The following IFT46 variants were observed in gnomAD, a reference collection of about 807,000 sequenced individuals.
The protein encoded by IFT46 is intraflagellar transport 46.
A neutral mutation model predicts 39.6 loss-of-function variants in IFT46; 19 were observed. The ratio of observed to expected loss-of-function variants is 0.48; its 90% confidence interval spans 0.33 to 0.70. The LOEUF is 0.70. Ranked by LOEUF, IFT46 falls within the 30% of genes least tolerant of loss-of-function variation. The probability of loss-of-function intolerance (pLI) is 0.01; values close to 1 mark genes in which losing one functional copy is unlikely to be tolerated. For synonymous variants in IFT46, 117 were observed against 134.8 expected (o/e 0.87, Z 0.91); for missense variants, 334 against 364.8 (o/e 0.92, Z 0.69).
chr11:118,557,692 C>T (rs534519425), intron 3 of IFT46: 3 of 1,607,282 alleles, frequency 1.9e-6, no homozygotes, highest in Non-Finnish European at 2.6e-6. Flanking sequence ...ACTACACATT[C>T]TCTCTCAAGA....
At chr11:118,557,675 T>C (rs1937885845) in intron 3 of IFT46, 4 of 1,587,044 alleles carry the variant, frequency 2.5e-6, no homozygotes, top group Non-Finnish European at 3.5e-6. Context: ...ATAAATTACA[T>C]AAAATGACTA....
At chr11:118,570,581 G>C (rs868957329), upstream of IFT46, among the ~76,000 whole-genome samples, 11 of 152,176 alleles carry the variant, frequency 7.2e-5, no homozygotes, top group Admixed American at 2.0e-4. Flanking sequence ...CTGTTCGGTT[G>C]AGCTAAGGAT....
rs782223012 is a variant in IFT46, at chr11:118,554,581, G to A, written c.361C>T (p.Arg121Cys). Residue 121 changes from arginine (R) to cysteine (C), a missense_variant, in exon 7 of 12, where the codon CGT becomes TGT. Transcript: ENST00000264021. ...AGGTTGTCAGGCTTTCCATCAGGAC[G>A]TGGGACCTGGTTAAGAAAAAGGTAA... ...GDIDAFLKVP[R>C]PDGKPDNLGL... 21 of 1,592,044 alleles carry A rather than the reference G, an allele frequency of 1.3e-5. 1 individual carries two copies. The highest frequency in any genetic ancestry group is 1.7e-4 in the Middle Eastern group (1 of 5,958).
chr11:118,544,861 C>T lies in IFT46; in HGVS notation c.*55G>A, dbSNP rs1345535178. ...AAGTAGCTGACAACGATCTGTCCAT[C>T]TCAGCTGGGGCAGAGGGGCCAGCTC... On this transcript the variant is annotated 3_prime_UTR_variant, in exon 12 of 12. Coordinates refer to ENST00000264021, the MANE Select transcript of IFT46 (RefSeq NM_001168618.2). 3.1e-6 allele frequency: 4 copies of T among 1,279,872 alleles called. No individual in the cohort carries two copies. The highest frequency in any genetic ancestry group is 2.3e-5 in the East Asian group (1 of 43,226). The allele number at this position is 1,279,872 out of a possible 1,614,324, so 79.3% of individuals were successfully genotyped here. A position where few individuals can be genotyped will look rare whatever the true frequency, so the allele number is the denominator to read the frequency against.
intron 9 of IFT46, 98 bp from the exon 10 acceptor site, chr11:118,545,951 A>G (rs1951674127): frequency 1.9e-6 from 2 of 1,030,780 alleles, no homozygotes; most frequent in Admixed American, 3.5e-5. Context: ...AGCATAAGAC[A>G]CAGGTTATGG....
At chr11:118,568,779 C>G (rs1436525545), upstream of IFT46, among the ~76,000 whole-genome samples, 2 of 151,562 alleles carry the variant, frequency 1.3e-5, no homozygotes, top group African/African-American at 4.8e-5. Flanking sequence ...GATTCTCCCA[C>G]CGAGTAGCTG....
At chr11:118,549,288 A>C (rs1555067902) in intron 9 of IFT46, among the ~76,000 whole-genome samples, 1 of 150,562 alleles carries the variant, frequency 6.6e-6, no homozygotes. Flanking sequence ...TGATCGTCCC[A>C]CCTCAGCCTC....
chr11:118,557,006 A>C lies in IFT46; in HGVS notation c.85T>G (p.Phe29Val). ...TCATCGTCATCCTCATTTTCACTAAAGCCCCGTTGAGGTGTCAACTGTGAG... is the reference window on the plus strand; with the variant it reads ...TCATCGTCATCCTCATTTTCACTAACGCCCCGTTGAGGTGTCAACTGTGAG... Reference protein sequence around the residue: ...KTSQLTPQRGFSENEDDDDDD... With the variant: ...KTSQLTPQRGVSENEDDDDDD... The change falls in exon 4 of 12, where the codon TTT becomes GTT. Residue 29 changes from phenylalanine (F) to valine (V), a missense_variant. Coordinates refer to ENST00000264021, the MANE Select transcript of IFT46 (RefSeq NM_001168618.2). 2 of 1,612,638 alleles carry C rather than the reference A, an allele frequency of 1.2e-6. No individual in the cohort carries two copies. The highest frequency in any genetic ancestry group is 1.7e-6 in the Non-Finnish European group (2 of 1,179,254).
rs1555069615 is a variant in IFT46, at chr11:118,556,923, A to G, written c.168T>C (p.His56=). 3.1e-6 allele frequency: 5 copies of G among 1,608,374 alleles called. No homozygotes were observed. The East Asian group carries it at 9.0e-5, about 29-fold the overall frequency. The change falls in exon 4 of 12, where the codon CAT becomes CAC. Residue 56 remains histidine, a synonymous_variant. Coordinates refer to ENST00000264021, the MANE Select transcript of IFT46 (RefSeq NM_001168618.2). Reference sequence around the variant, plus strand: ...TTCCTCACCCTTCCAGAGGGGCTCCATGCTCTTCATCATCATCATCAGAAT... The same window carrying G: ...TTCCTCACCCTTCCAGAGGGGCTCCGTGCTCTTCATCATCATCATCAGAAT... The part of the protein sequence containing the change: ...DSDSDDDDEE[H]GAPLEGAYDP...
intron 9 of IFT46, among the ~76,000 whole-genome samples, chr11:118,548,809 A>G: frequency 6.8e-6 from 1 of 146,916 alleles, no homozygotes. Context: ...TTCTTTTAAT[A>G]GAGATGGGTC....
chr11:118,546,557 T>G, intron 9 of IFT46: 1 of 195,204 alleles, frequency 5.1e-6, no homozygotes, highest in South Asian at 1.1e-4. Context: ...ACTACTGGAC[T>G]ACTAGCCTCC....
intron 2 of IFT46, chr11:118,561,431 G>C (rs1282516026): frequency 3.7e-6 from 3 of 807,506 alleles, no homozygotes; most frequent in Non-Finnish European, 6.5e-6. Flanking sequence ...TGCTATATGA[G>C]AGAATCCAGT....
chr11:118,545,457 C>T lies in IFT46; in HGVS notation c.771G>A (p.Gln257=). 1 of 1,613,748 alleles carries T rather than the reference C, an allele frequency of 6.2e-7. No individual in the cohort carries two copies. The highest frequency in any genetic ancestry group is 8.5e-7 in the Non-Finnish European group (1 of 1,179,686). ...AGAGGGAAAAGAGCAGATGGAGGGACTGGATCCGACTCTTGTAGACAGGGA... is the reference window on the plus strand; with the variant it reads ...AGAGGGAAAAGAGCAGATGGAGGGATTGGATCCGACTCTTGTAGACAGGGA... ...LDIPVYKSRI[Q]SLHLLFSLYS... Residue 257 remains glutamine (Q), a synonymous_variant, in exon 11 of 12, where the codon CAG becomes CAA. Transcript: ENST00000264021.
intron 2 of IFT46, chr11:118,560,439 GGGGAA>G (rs1478334611): frequency 0.03 from 4,159 of 139,744 alleles, 529 homozygotes; most frequent in African/African-American, 0.13. Flanking sequence ...CGGAATGGGA[GGGGAA>G]GGGAGGGGAG....
upstream of IFT46, among the ~76,000 whole-genome samples, chr11:118,567,445 G>A (rs782592947): frequency 1.1e-4 from 16 of 151,600 alleles, no homozygotes; most frequent in Middle Eastern, 6.9e-3. Flanking sequence ...GCATGGTGGC[G>A]CGCGCCTGTA....
chr11:118,557,662 C>A (rs1937885543), intron 3 of IFT46: 2 of 1,539,748 alleles, frequency 1.3e-6, no homozygotes, highest in Non-Finnish European at 1.8e-6. Context: ...CTTCCCTTAC[C>A]CCATAAATTA....
chr11:118,547,472 G>A (rs1951712821), intron 9 of IFT46, among the ~76,000 whole-genome samples: 3 of 152,174 alleles, frequency 2.0e-5, no homozygotes. Flanking sequence ...AGACTGGAGT[G>A]CAGTGGCATG....
At chr11:118,563,990 T>G (rs1308089037) in intron 2 of IFT46, among the ~76,000 whole-genome samples, 3 of 149,466 alleles carry the variant, frequency 2.0e-5, no homozygotes, top group Non-Finnish European at 4.5e-5. Context: ...TCAGTTGGGG[T>G]CAGGAGTTCG....
At chr11:118,558,304 A>C (rs1405144246) in intron 3 of IFT46, among the ~76,000 whole-genome samples, 2 of 152,214 alleles carry the variant, frequency 1.3e-5, no homozygotes, top group Non-Finnish European at 2.9e-5. Context: ...GGAACTTTTA[A>C]GAATATTGTC....
Sources: allele counts gnomAD v4.1 joint callset (sites outside exome capture counted in the v4.1 genomes callset), GRCh38; gene constraint gnomAD v4.1.1; transcripts MANE v1.5; gene names NCBI Gene and HGNC (gene_info 2026-07-23, HGNC 2026-07-21).